AKAP13: variants seen among roughly 807,000 people sequenced by gnomAD.
AKAP13 encodes the protein A-kinase anchor protein 13.
In AKAP13, 80 loss-of-function variants were observed where a neutral mutation model predicts 264.5. That is an observed-to-expected ratio of 0.30 (90% CI 0.25 to 0.36). The LOEUF (loss-of-function observed/expected upper bound fraction) is 0.36. AKAP13 is among the 10% of genes least tolerant of loss of function. The pLI, the probability that AKAP13 is intolerant of heterozygous loss-of-function variation, is 1.00. For synonymous variants in AKAP13, 1,380 were observed against 1,250.2 expected (o/e 1.10, Z -2.19); for missense variants, 3,712 against 3,435.2 (o/e 1.08, Z -2.01).
At chr15:85,455,574 G>A (rs1170680251) in intron 1 of AKAP13, among the ~76,000 whole-genome samples, 2 of 151,820 alleles carry the variant, frequency 1.3e-5, no homozygotes, top group Non-Finnish European at 2.9e-5. Context: ...TAGGGGATTT[G>A]GGCATAGGTT....
At chr15:85,420,077 G>T (rs1596110166) in intron 1 of AKAP13, among the ~76,000 whole-genome samples, 1 of 150,938 alleles carries the variant, frequency 6.6e-6, no homozygotes, top group East Asian at 1.9e-4. Context: ...AAGTAGCTGG[G>T]ACTACAGGCG....
intron 12 of AKAP13, among the ~76,000 whole-genome samples, chr15:85,659,421 T>C (rs1241815168): frequency 1.3e-5 from 2 of 151,822 alleles, no homozygotes; most frequent in African/African-American, 2.4e-5. Flanking sequence ...TGATCTTTCC[T>C]ACTTTGTCTT....
intron 9 of AKAP13, among the ~76,000 whole-genome samples, chr15:85,642,536 C>T (rs1009788981): frequency 3.3e-5 from 5 of 152,234 alleles, no homozygotes; most frequent in Admixed American, 6.5e-5. Context: ...TAGGGATTCC[C>T]CCCACCTCCC....
chr15:85,562,287 G>A (rs185898386), intron 5 of AKAP13, among the ~76,000 whole-genome samples: 2 of 152,132 alleles, frequency 1.3e-5, no homozygotes, highest in Admixed American at 6.5e-5. Flanking sequence ...TATCTCGGCC[G>A]GGCGTGGTGG....
In AKAP13 at chr15:85,708,089, AAG is replaced by A. The variant is rs758162209; in HGVS notation, c.5532+5_5532+6del. The A allele has an allele frequency of 1.2e-6, 2 of 1,613,558 alleles. No individual in the cohort carries two copies. Among genetic ancestry groups the A allele is most frequent in the South Asian group, 2.2e-5 (2 of 91,040 alleles). On this transcript the variant is annotated splice_donor_5th_base_variant and intron_variant, in intron 18 of 36. Coordinates refer to ENST00000394518, the MANE Select transcript of AKAP13 (RefSeq NM_007200.5). The surrounding 1 kb of genome is among the most constrained non-coding windows in gnomAD (Gnocchi z 4.3). ...CCTGTGCAAAGGTCAAAATGAAGGT[AAG>A]ACTTTCTGGCTAAAACAAGGCTTAA... is the stretch of plus-strand genomic sequence containing the variant.
At chr15:85,608,213 T>C (rs1293312867) in intron 8 of AKAP13, among the ~76,000 whole-genome samples, 1 of 152,210 alleles carries the variant, frequency 6.6e-6, no homozygotes, top group Non-Finnish European at 1.5e-5. Flanking sequence ...GGGATTCATA[T>C]TTTCCTTGGG....
intron 5 of AKAP13, among the ~76,000 whole-genome samples, chr15:85,558,006 T>C (rs2078213662): frequency 6.6e-6 from 1 of 152,220 alleles, no homozygotes; most frequent in Non-Finnish European, 1.5e-5. Context: ...TTCCTATCTA[T>C]GCTATGCCTC....
At chr15:85,722,195 A>C in intron 24 of AKAP13, 35 bp from the exon 25 acceptor site, 1 of 1,608,988 alleles carries the variant, frequency 6.2e-7, no homozygotes, top group Non-Finnish European at 8.5e-7. Context: ...AGCCTTTTTC[A>C]TGTGATTCCT....
At chr15:85,703,580 G>A (rs1472020261) in intron 17 of AKAP13, among the ~76,000 whole-genome samples, 7 of 152,168 alleles carry the variant, frequency 4.6e-5, no homozygotes, top group Admixed American at 1.3e-4. Context: ...CGTGGCTCAC[G>A]CCTGTGATCC....
Position 85,748,908 on chromosome 15 carries a change from C to CT in AKAP13, c.*4234dup, listed in dbSNP as rs2089444861. 2 of 152,648 alleles carry CT rather than the reference C, an allele frequency of 1.3e-5. No individual in the cohort carries two copies. The highest frequency in any genetic ancestry group is 6.5e-5 in the Admixed American group (1 of 15,312). The allele number at this position is 152,648 out of a possible 1,614,324, so 9.5% of individuals were successfully genotyped here. A position where few individuals can be genotyped will look rare whatever the true frequency, so the allele number is the denominator to read the frequency against. ...CTTCCCCGGCCTGAGCTTCCCCTAC[C>CT]TTTCGTCACCACCTGAGGGCATGAG... is the stretch of plus-strand genomic sequence containing the variant. On this transcript the variant is annotated 3_prime_UTR_variant, in exon 37 of 37. Transcript: ENST00000394518.
At position 85,684,773 on chromosome 15, in the gene AKAP13, A is replaced by T; in HGVS notation, c.5189A>T (p.His1730Leu). The T allele has an allele frequency of 6.2e-7, 1 of 1,613,672 alleles. No homozygotes were observed. The change falls in exon 16 of 37, where the codon CAT becomes CTT. Residue 1730 changes from histidine to leucine, a missense_variant. His to Leu is a moderately conservative substitution (Grantham distance 99). This residue lies in a region of AKAP13 where 2,759 missense variants were observed against 2,411.7 expected (regional missense o/e 1.14). Coordinates refer to ENST00000394518, the MANE Select transcript of AKAP13 (RefSeq NM_007200.5). ...GAAGAGAACTATAATTTCCTGCCACATAGCCCCTCCAAGAAAGATTCTGAA... is the reference window on the plus strand; with the variant it reads ...GAAGAGAACTATAATTTCCTGCCACTTAGCCCCTCCAAGAAAGATTCTGAA... ...ITEENYNFLP[H>L]SPSKKDSEWK...
At position 85,740,977 on chromosome 15, in the gene AKAP13, C is replaced by T. The variant is rs1042730258; in HGVS notation, c.7609-69C>T. The T allele has an allele frequency of 3.2e-6, 5 of 1,539,656 alleles. 1 individual carries two copies. Among genetic ancestry groups the T allele is most frequent in the East Asian group, 4.5e-5 (2 of 44,214 alleles). Reference sequence around the variant, plus strand: ...TGCCTGGTGCCCCCTGCTGTGGGGTCGGGAGGGATCCAGAAGCTCGCTGTC... The same window carrying T: ...TGCCTGGTGCCCCCTGCTGTGGGGTTGGGAGGGATCCAGAAGCTCGCTGTC... On this transcript the variant is annotated intron_variant, in intron 34 of 36. Transcript: ENST00000394518.
At chr15:85,414,661 T>C (rs1407553447) in intron 1 of AKAP13, among the ~76,000 whole-genome samples, 1 of 152,248 alleles carries the variant, frequency 6.6e-6, no homozygotes, top group African/African-American at 2.4e-5. Context: ...GTTTTGTTAA[T>C]TCTTATGTTA....
chr15:85,536,610 A>G (rs145936161), intron 4 of AKAP13: 17 of 152,350 alleles, frequency 1.1e-4, no homozygotes, highest in African/African-American at 4.1e-4. Flanking sequence ...GCAAACTATA[A>G]TATATCCATA....
chr15:85,662,480 C>A (rs555375249), intron 12 of AKAP13: 2 of 1,613,596 alleles, frequency 1.2e-6, no homozygotes, highest in Admixed American at 1.7e-5. Flanking sequence ...TGTCCCGCCA[C>A]CAAATGGGGA....
At chr15:85,519,407 C>T (rs993531008) in intron 2 of AKAP13, among the ~76,000 whole-genome samples, 2 of 152,126 alleles carry the variant, frequency 1.3e-5, no homozygotes, top group Non-Finnish European at 2.9e-5. Flanking sequence ...GTTTGTCAAC[C>T]TAGTCATAGT....
At chr15:85,605,117 G>A (rs1228835613) in intron 8 of AKAP13, among the ~76,000 whole-genome samples, 3 of 90,966 alleles carry the variant, frequency 3.3e-5, no homozygotes, top group African/African-American at 8.2e-5. Context: ...GACAGTCAGC[G>A]CTTTGCAGGG....
chr15:85,396,055 C>G (rs913935016), intron 1 of AKAP13, among the ~76,000 whole-genome samples: 7 of 151,922 alleles, frequency 4.6e-5, no homozygotes, highest in Admixed American at 3.9e-4. Context: ...TACATATGCA[C>G]ACATAACATA....
chr15:85,506,406 A>G (rs1036423899), intron 2 of AKAP13, among the ~76,000 whole-genome samples: 3 of 152,252 alleles, frequency 2.0e-5, no homozygotes, highest in African/African-American at 7.2e-5. Context: ...GCAATGATGT[A>G]GCATTGAATA....
Sources: gnomAD v4.1 joint callset for allele counts (sites outside exome capture counted in the v4.1 genomes callset) on GRCh38, gnomAD v4.1.1 for gene constraint, gnomAD v4.1.1 regional missense constraint, Gnocchi (gnomAD v3.1) non-coding constraint, MANE v1.5 for transcripts, NCBI Gene and HGNC (gene_info 2026-07-23, HGNC 2026-07-21) for gene names.